The following BIRC6 variants were observed in gnomAD, a reference collection of about 807,000 sequenced individuals.
BIRC6 encodes the protein dual E2 ubiquitin-conjugating enzyme/E3 ubiquitin-protein ligase BIRC6.
A neutral mutation model predicts 503.3 loss-of-function variants in BIRC6; 98 were observed. The ratio of observed to expected loss-of-function variants is 0.19; its 90% CI spans 0.17 to 0.23. The LOEUF (loss-of-function observed/expected upper bound fraction) is 0.23, where lower values mean the gene tolerates loss of function less well. Among genes scored for constraint, BIRC6 ranks in the 10% least tolerant of loss-of-function variants. The probability of loss-of-function intolerance (pLI) is 1.00; values close to 1 mark genes in which losing one functional copy is unlikely to be tolerated. For synonymous variants in BIRC6, 2,240 were observed against 2,078.7 expected, an observed-to-expected ratio of 1.08 and a Z score of -2.11; for missense variants, 5,360 against 5,806.0, an observed-to-expected ratio of 0.92 and a Z score of 2.50.
intron 10 of BIRC6, among the ~76,000 whole-genome samples, chr2:32,418,038 C>T (rs1181902332): frequency 1.3e-5 from 2 of 152,158 alleles, no homozygotes; most frequent in African/African-American, 4.8e-5. Flanking sequence ...CCTTGGCCTC[C>T]CAAAGTGTTG....
At chr2:32,571,999 A>G (rs576986941) in intron 65 of BIRC6, among the ~76,000 whole-genome samples, 1 of 152,308 alleles carries the variant, frequency 6.6e-6, no homozygotes, top group South Asian at 2.1e-4. Context: ...ATTCAGTATC[A>G]TGCTGTTTAA....
rs1369372892 is a variant in BIRC6, at chr2:32,442,045, T to C, written c.3945-20T>C. 1 of 1,502,858 alleles carries C rather than the reference T, an allele frequency of 6.7e-7. No individual in the cohort carries two copies. The highest frequency in any genetic ancestry group is 1.4e-5 in the African/African-American group (1 of 71,464). 93.1% of individuals were successfully genotyped at this position (1,502,858 alleles called of 1,614,324 possible). On this transcript the variant is annotated intron_variant, in intron 17 of 73. Coordinates refer to ENST00000421745, the MANE Select transcript of BIRC6 (RefSeq NM_016252.4). ...GTTCTGTTTTGTTTGGTAATGTGTTTATATTTTCTTTTTTTGTAGAGTGCA... is the reference window on the plus strand; with the variant it reads ...GTTCTGTTTTGTTTGGTAATGTGTTCATATTTTCTTTTTTTGTAGAGTGCA...
intron 61 of BIRC6, among the ~76,000 whole-genome samples, chr2:32,533,108 T>C (rs971945696): frequency 3.9e-5 from 6 of 152,166 alleles, no homozygotes; most frequent in Non-Finnish European, 1.5e-5. Context: ...TTAGAGAATA[T>C]CTGAATTGTC....
intron 63 of BIRC6, among the ~76,000 whole-genome samples, chr2:32,546,614 G>A (rs1166148738): frequency 6.6e-6 from 1 of 151,652 alleles, no homozygotes; most frequent in Non-Finnish European, 1.5e-5. Flanking sequence ...AATAATTAAT[G>A]GCATAAGTGA....
chr2:32,495,214 A>G (rs1015198032), intron 45 of BIRC6, among the ~76,000 whole-genome samples: 2 of 152,216 alleles, frequency 1.3e-5, no homozygotes, highest in Non-Finnish European at 2.9e-5. Flanking sequence ...CTAAAGGATT[A>G]TTAATCTTGT....
chr2:32,511,911 G>C (rs75340469), intron 53 of BIRC6, among the ~76,000 whole-genome samples: 1 of 152,042 alleles, frequency 6.6e-6, no homozygotes, highest in African/African-American at 2.4e-5. Context: ...AATCATAATC[G>C]TTAGTAGTGG....
intron 45 of BIRC6, among the ~76,000 whole-genome samples, chr2:32,495,034 A>G (rs914769960): frequency 2.6e-5 from 4 of 152,238 alleles, no homozygotes; most frequent in Non-Finnish European, 2.9e-5. Context: ...ATTTTGAATG[A>G]CATAATTAAA....
At chr2:32,589,547 G>C (rs1413565319) in intron 66 of BIRC6, among the ~76,000 whole-genome samples, 1 of 152,036 alleles carries the variant, frequency 6.6e-6, no homozygotes, top group African/African-American at 2.4e-5. Flanking sequence ...TTTTACCTCT[G>C]CTTCTTATAC....
At chr2:32,599,102 G>A (rs2061874761) in intron 69 of BIRC6, among the ~76,000 whole-genome samples, 1 of 151,206 alleles carries the variant, frequency 6.6e-6, no homozygotes, top group South Asian at 2.1e-4. Context: ...GCCAAGGTAG[G>A]CAGATCAGTT....
At chr2:32,592,187 G>C (rs1376655213) in intron 66 of BIRC6, among the ~76,000 whole-genome samples, 2 of 152,158 alleles carry the variant, frequency 1.3e-5, no homozygotes, top group African/African-American at 4.8e-5. Flanking sequence ...GACTGAAATG[G>C]TGTACAGTAT....
At chr2:32,370,973 G>A (rs930698263) in intron 1 of BIRC6, among the ~76,000 whole-genome samples, 12 of 152,068 alleles carry the variant, frequency 7.9e-5, no homozygotes, top group African/African-American at 2.7e-4. Context: ...ATTAGAATTG[G>A]TAACTAATTA....
chr2:32,453,861 A>T lies in BIRC6; in HGVS notation c.4672A>T (p.Thr1558Ser). 1 of 1,613,758 alleles carries T rather than the reference A, an allele frequency of 6.2e-7. No individual in the cohort carries two copies. Reference sequence around the variant, plus strand: ...TGCTGAGGGTAGTTTCACATCTCTCACTGGACTTTTGGAAGTTGAACCTCT... The same window carrying T: ...TGCTGAGGGTAGTTTCACATCTCTCTCTGGACTTTTGGAAGTTGAACCTCT... ...TAAEGSFTSL[T>S]GLLEVEPLHF... The change falls in exon 23 of 74, where the codon ACT becomes TCT. Residue 1558 changes from threonine (T) to serine (S), a missense_variant. Thr to Ser is a moderately conservative substitution (Grantham distance 58). Around this residue, in one of 16 missense-constraint regions of BIRC6, gnomAD observed 2,299 missense variants for 2,267.2 expected, o/e 1.01. Coordinates refer to ENST00000421745, the MANE Select transcript of BIRC6 (RefSeq NM_016252.4).
intron 23 of BIRC6, among the ~76,000 whole-genome samples, chr2:32,455,765 C>T (rs1456163324): frequency 6.6e-6 from 1 of 152,192 alleles, no homozygotes; most frequent in East Asian, 1.9e-4. Flanking sequence ...ACCCATTTCT[C>T]CCCCTGCAAA....
chr2:32,579,407 A>G (rs1474577942), intron 66 of BIRC6, among the ~76,000 whole-genome samples: 1 of 152,268 alleles, frequency 6.6e-6, no homozygotes, highest in Non-Finnish European at 1.5e-5. Flanking sequence ...GGAGATAAAA[A>G]GACATCATTA....
intron 9 of BIRC6, among the ~76,000 whole-genome samples, chr2:32,407,584 G>T (rs2041381783): frequency 6.6e-6 from 1 of 151,974 alleles, no homozygotes; most frequent in Admixed American, 6.6e-5. Context: ...GTGTACTATG[G>T]ACATATATAA....
At chr2:32,402,625 CT>C (rs1383763768) in intron 8 of BIRC6, among the ~76,000 whole-genome samples, 1 of 152,044 alleles carries the variant, frequency 6.6e-6, no homozygotes, top group Admixed American at 6.6e-5. Context: ...TGATTAAAGC[CT>C]TGTGGTTGTT....
At chr2:32,576,854 A>G (rs539186567) in intron 66 of BIRC6, among the ~76,000 whole-genome samples, 3 of 152,352 alleles carry the variant, frequency 2.0e-5, no homozygotes, top group Admixed American at 2.0e-4. Context: ...ATCATAAATT[A>G]TAGAAAAGAT....
Position 32,581,960 on chromosome 2 carries a change from T to A in BIRC6, c.13355+6594T>A, listed in dbSNP as rs564424536. Among the ~76,000 whole-genome samples, 165 of 152,212 alleles carry A rather than the reference T, an allele frequency of 1.1e-3. 1 individual carries two copies. Among genetic ancestry groups the A allele is most frequent in the African/African-American group, 2.7e-3 (114 of 41,530 alleles). On this transcript the variant is annotated intron_variant, in intron 66 of 73. Transcript: ENST00000421745. ...TCACTGCAAGTTCCGCCTCCTGGGTTCAAGCAATTCTCCTCAGCCTCCCCA... is the reference window on the plus strand; with the variant it reads ...TCACTGCAAGTTCCGCCTCCTGGGTACAAGCAATTCTCCTCAGCCTCCCCA...
At chr2:32,488,939 C>G (rs2051338871) in intron 42 of BIRC6, among the ~76,000 whole-genome samples, 1 of 152,094 alleles carries the variant, frequency 6.6e-6, no homozygotes, top group Non-Finnish European at 1.5e-5. Context: ...TGTGGTATGC[C>G]TGTATGCAAC....
Sources: gnomAD v4.1 joint callset for allele counts (sites outside exome capture counted in the v4.1 genomes callset) on GRCh38, gnomAD v4.1.1 for gene constraint, gnomAD v4.1.1 regional missense constraint, MANE v1.5 for transcripts, NCBI Gene and HGNC (gene_info 2026-07-23, HGNC 2026-07-21) for gene names.